Variants in MLLT3 observed in about 807,000 individuals in gnomAD.
MLLT3 encodes protein AF-9.
A neutral mutation model predicts 53.2 loss-of-function variants in MLLT3; 4 were observed. The ratio of observed to expected loss-of-function variants is 0.08; its 90% CI spans 0.04 to 0.17. MLLT3 has a LOEUF of 0.17. Among genes scored for constraint, MLLT3 ranks in the 10% least tolerant of loss-of-function variants. The pLI, the probability that MLLT3 is intolerant of heterozygous loss-of-function variation, is 1.00. For synonymous variants in MLLT3, 283 were observed against 230.6 expected (o/e 1.23, Z -2.06); for missense variants, 569 against 684.0 (o/e 0.83, Z 1.87).
At chr9:20,455,927 C>CTTTTTTT (rs780438955) in intron 3 of MLLT3, among the ~76,000 whole-genome samples, 1 of 116,874 alleles carries the variant, frequency 8.6e-6, no homozygotes, top group Non-Finnish European at 1.8e-5. Context: ...CTGCTAAAAA[C>CTTTTTTT]TTTTTTTTTT....
intron 2 of MLLT3, among the ~76,000 whole-genome samples, chr9:20,580,699 A>G (rs377454290): frequency 6.6e-6 from 1 of 152,186 alleles, no homozygotes; most frequent in Admixed American, 6.5e-5. Context: ...TGTTTTCTTC[A>G]CACACTCCTT....
intron 2 of MLLT3, among the ~76,000 whole-genome samples, chr9:20,534,552 A>G (rs141009596): frequency 2.9e-4 from 44 of 152,302 alleles, no homozygotes; most frequent in East Asian, 1.5e-3. Flanking sequence ...TGTTCTAACT[A>G]TTCTCCTCAA....
chr9:20,422,584 G>A (rs1051912097), intron 4 of MLLT3, among the ~76,000 whole-genome samples: 2 of 152,140 alleles, frequency 1.3e-5, no homozygotes, highest in Non-Finnish European at 2.9e-5. Context: ...TAACATGAAA[G>A]AGCAAAAGAT....
intron 2 of MLLT3, among the ~76,000 whole-genome samples, chr9:20,552,432 G>A (rs1019159600): frequency 2.6e-5 from 4 of 152,076 alleles, no homozygotes; most frequent in Non-Finnish European, 4.4e-5. Context: ...GACATCACTC[G>A]TGTGAGCAGA....
intron 2 of MLLT3, among the ~76,000 whole-genome samples, chr9:20,457,119 C>T (rs1041691282): frequency 6.6e-6 from 1 of 152,012 alleles, no homozygotes; most frequent in Non-Finnish European, 1.5e-5. Context: ...CTCCCTATGA[C>T]CCAAAGTTTG....
chr9:20,599,797 A>G (rs1157845762), intron 2 of MLLT3, among the ~76,000 whole-genome samples: 1 of 152,238 alleles, frequency 6.6e-6, no homozygotes, highest in African/African-American at 2.4e-5. Flanking sequence ...AAAACAGGAC[A>G]TAGAGTCACC....
intron 2 of MLLT3, among the ~76,000 whole-genome samples, chr9:20,520,750 G>T (rs1479975789): frequency 1.3e-5 from 2 of 152,152 alleles, no homozygotes; most frequent in Non-Finnish European, 2.9e-5. Flanking sequence ...AAAAGGGGAC[G>T]TTCTCAGAAA....
intron 4 of MLLT3, among the ~76,000 whole-genome samples, chr9:20,427,909 ACT>A (rs1823176182): frequency 6.6e-6 from 1 of 152,032 alleles, no homozygotes; most frequent in African/African-American, 2.4e-5. Flanking sequence ...AATAATCAAA[ACT>A]CAGCACTTTC....
At chr9:20,384,432 C>T (rs1821979624) in intron 5 of MLLT3, among the ~76,000 whole-genome samples, 1 of 151,980 alleles carries the variant, frequency 6.6e-6, no homozygotes, top group Non-Finnish European at 1.5e-5. Context: ...ATACACAGTT[C>T]CTGCACTCCT....
chr9:20,544,111 T>G (rs1161253657), intron 2 of MLLT3, among the ~76,000 whole-genome samples: 1 of 152,208 alleles, frequency 6.6e-6, no homozygotes, highest in Non-Finnish European at 1.5e-5. Context: ...GGGGAAAGGA[T>G]AGTCTCTCCA....
chr9:20,346,857 A>C (rs1820883577), intron 10 of MLLT3, among the ~76,000 whole-genome samples: 1 of 152,094 alleles, frequency 6.6e-6, no homozygotes, highest in Non-Finnish European at 1.5e-5. Flanking sequence ...ACTGTGAGTG[A>C]GCAGTTAGGG....
chr9:20,617,315 G>C (rs902723821), intron 2 of MLLT3, among the ~76,000 whole-genome samples: 2 of 152,122 alleles, frequency 1.3e-5, no homozygotes, highest in Non-Finnish European at 2.9e-5. Flanking sequence ...ATGCAGTAAA[G>C]CTGGCCTCAT....
chr9:20,441,574 A>G (rs531459515), intron 4 of MLLT3, among the ~76,000 whole-genome samples: 1 of 152,134 alleles, frequency 6.6e-6, no homozygotes, highest in African/African-American at 2.4e-5. Flanking sequence ...CTAAGAAATA[A>G]CCACACAAAT....
rs1434967480 is a variant in MLLT3, at chr9:20,562,830, T to C, written c.193+57824A>G. Among the ~76,000 whole-genome samples, 3 of 152,198 alleles carry C rather than the reference T, an allele frequency of 2.0e-5. No individual in the cohort carries two copies. The East Asian group carries it at 5.8e-4, about 29-fold the overall frequency. ...TGTTTCCCTAATACTTTGTGTAGTA[T>C]AACAGGTGATACAGTAGTTAAGACT... On this transcript the variant is annotated intron_variant, in intron 2 of 10. Coordinates refer to ENST00000380338, the MANE Select transcript of MLLT3 (RefSeq NM_004529.4).
intron 2 of MLLT3, among the ~76,000 whole-genome samples, chr9:20,570,523 T>C (rs764224504): frequency 6.6e-6 from 1 of 152,226 alleles, no homozygotes; most frequent in Non-Finnish European, 1.5e-5. Flanking sequence ...AAACTATTTT[T>C]GTTTAAATGA....
At chr9:20,608,727 T>C (rs559341551) in intron 2 of MLLT3, among the ~76,000 whole-genome samples, 2 of 152,088 alleles carry the variant, frequency 1.3e-5, no homozygotes, top group South Asian at 2.1e-4. Flanking sequence ...AAATTACTTG[T>C]AGAAAAAACT....
chr9:20,556,363 C>T (rs1819057449), intron 2 of MLLT3, among the ~76,000 whole-genome samples: 1 of 151,974 alleles, frequency 6.6e-6, no homozygotes, highest in Non-Finnish European at 1.5e-5. Context: ...GACTCTAAAA[C>T]ATGAACATGT....
rs1173996156 is a variant in MLLT3, at chr9:20,501,638, C to A, written c.194-44852G>T. ...CGGTGGCGGGCGCCTGCAGTCCCAG[C>A]TACTTGGGAGGCTGAGGCAGGAGAA... On this transcript the variant is annotated intron_variant, in intron 2 of 10. Coordinates refer to ENST00000380338, the MANE Select transcript of MLLT3 (RefSeq NM_004529.4). Among the ~76,000 whole-genome samples, 4 of 151,920 alleles carry A rather than the reference C, an allele frequency of 2.6e-5. No individual in the cohort carries two copies. The East Asian group carries it at 5.8e-4, about 22-fold the overall frequency.
In MLLT3 at chr9:20,502,378, A is replaced by C. The variant is rs138714729; in HGVS notation, c.194-45592T>G. The C allele has an allele frequency of 3.1e-3, 472 of 153,320 alleles. 4 individuals are homozygous for C. The highest frequency in any genetic ancestry group is 0.011 in the African/African-American group (451 of 41,596). 9.5% of individuals were successfully genotyped at this position (153,320 alleles called of 1,614,324 possible). A position where few individuals can be genotyped will look rare whatever the true frequency, so the allele number is the denominator to read the frequency against. ...GTGATGTTCCTTACATAGCACTGTA[A>C]GGAGCTGAATTCTACAGGTAATAGC... On this transcript the variant is annotated intron_variant, in intron 2 of 10. Coordinates refer to ENST00000380338, the MANE Select transcript of MLLT3 (RefSeq NM_004529.4).
Sources: gnomAD v4.1 joint callset for allele counts (sites outside exome capture counted in the v4.1 genomes callset) on GRCh38, gnomAD v4.1.1 for gene constraint, MANE v1.5 for transcripts, NCBI Gene and HGNC (gene_info 2026-07-23, HGNC 2026-07-21) for gene names.